Variants in PTPRD observed in about 807,000 individuals in gnomAD.
PTPRD encodes the protein receptor-type tyrosine-protein phosphatase delta.
PTPRD carries 34 observed loss-of-function variants against 214.5 expected under a neutral mutation model. The ratio of observed to expected loss-of-function variants is 0.16; its 90% CI spans 0.12 to 0.21. PTPRD has a LOEUF of 0.21. PTPRD is among the 10% of genes least tolerant of loss of function. The probability of loss-of-function intolerance (pLI) is 1.00; values close to 1 mark genes in which losing one functional copy is unlikely to be tolerated. For missense variants in PTPRD, 2,545 were observed against 2,398.7 expected (o/e 1.06, Z -1.27); for synonymous variants, 1,128 against 845.7 (o/e 1.33, Z -5.79).
chr9:8,573,958 T>A (rs1281086711), intron 14 of PTPRD, among the ~76,000 whole-genome samples: 3 of 152,006 alleles, frequency 2.0e-5, no homozygotes, highest in Non-Finnish European at 4.4e-5. Flanking sequence ...TAGGGCTGAC[T>A]ATGGTAATAC....
chr9:8,365,317 T>C (rs2079549171), intron 39 of PTPRD, among the ~76,000 whole-genome samples: 1 of 152,084 alleles, frequency 6.6e-6, no homozygotes, highest in African/African-American at 2.4e-5. Flanking sequence ...GAAAATATTT[T>C]TGAGTTAGGA....
Position 8,321,528 on chromosome 9 carries a change from A to ATAT in PTPRD, c.5535-1563_5535-1562insATA, listed in dbSNP as rs1563892616. 8.1e-4 allele frequency among the ~76,000 whole-genome samples: 64 copies of ATAT among 79,120 alleles called. 1 individual carries two copies. Among genetic ancestry groups the ATAT allele is most frequent in the African/African-American group, 2.2e-3 (57 of 25,718 alleles). 51.9% of individuals were successfully genotyped at this position (79,120 alleles called of 152,430 possible). A position where few individuals can be genotyped will look rare whatever the true frequency, so the allele number is the denominator to read the frequency against. Reference sequence around the variant, plus strand: ...ATATATATATATATATATATATATAAAAGGTATATGCATCGCAATTCCTTT... The same window carrying ATAT: ...ATATATATATATATATATATATATAATATAAGGTATATGCATCGCAATTCCTTT... On this transcript the variant is annotated intron_variant, in intron 44 of 45. Transcript: ENST00000381196.
chr9:8,561,467 C>A (rs965680254), intron 14 of PTPRD, among the ~76,000 whole-genome samples: 1 of 152,154 alleles, frequency 6.6e-6, no homozygotes, highest in African/African-American at 2.4e-5. Flanking sequence ...AGCTCAGGAA[C>A]CCCCAAATGT....
At chr9:9,632,389 T>C (rs974867851) in intron 7 of PTPRD, among the ~76,000 whole-genome samples, 5 of 152,142 alleles carry the variant, frequency 3.3e-5, no homozygotes, top group Admixed American at 1.3e-4. Context: ...AAGAAGACTA[T>C]TGATAGCCAG....
chr9:8,713,179 C>A, intron 12 of PTPRD: 1 of 563,016 alleles, frequency 1.8e-6, no homozygotes, highest in Non-Finnish European at 3.1e-6. Flanking sequence ...CTGTCAGTGC[C>A]AGAATTTCAG....
At chr9:8,536,715 CA>C (rs747021591) in intron 14 of PTPRD, among the ~76,000 whole-genome samples, 3 of 151,894 alleles carry the variant, frequency 2.0e-5, no homozygotes, top group Non-Finnish European at 4.4e-5. Flanking sequence ...GAGCAGGCAC[CA>C]AAAGTCAGTA....
chr9:8,894,438 C>T (rs2098586541), intron 11 of PTPRD, among the ~76,000 whole-genome samples: 3 of 143,952 alleles, frequency 2.1e-5, no homozygotes, highest in Admixed American at 7.1e-5. Context: ...CAAATGAAAC[C>T]AGACACTGAC....
chr9:10,424,427 C>T (rs184226100), intron 2 of PTPRD, among the ~76,000 whole-genome samples: 3 of 151,772 alleles, frequency 2.0e-5, no homozygotes, highest in African/African-American at 7.2e-5. Context: ...ATAAATGAGT[C>T]TCTGTGGCAA....
At chr9:8,342,306 ATT>A (rs1339027266) in intron 39 of PTPRD, among the ~76,000 whole-genome samples, 2 of 152,080 alleles carry the variant, frequency 1.3e-5, no homozygotes, top group African/African-American at 4.8e-5. Context: ...AAATACAAAC[ATT>A]TAGTCTGTCC....
rs1210034111 is a variant in PTPRD at position 10,142,334 on chromosome 9, G to A, written c.-544-108544C>T. On this transcript the variant is annotated intron_variant, in intron 3 of 45. Transcript: ENST00000381196. ...AAAGAAACTACCATCAGAGTGAACA[G>A]GCAACCCACAAAATGGGAGAAAATT... Among the ~76,000 whole-genome samples, 22 of 151,562 alleles carry A rather than the reference G, an allele frequency of 1.5e-4. No individual in the cohort carries two copies. In the South Asian group the frequency reaches 4.0e-3, roughly 27 times the overall value.
intron 5 of PTPRD, among the ~76,000 whole-genome samples, chr9:9,782,939 T>A (rs2098867725): frequency 6.6e-6 from 1 of 152,300 alleles, no homozygotes; most frequent in Admixed American, 6.5e-5. Flanking sequence ...TTATTTTGTA[T>A]TTTAAGATAT....
chr9:9,360,128 A>T (rs2138963186), intron 9 of PTPRD, among the ~76,000 whole-genome samples: 1 of 151,334 alleles, frequency 6.6e-6, no homozygotes, highest in East Asian at 1.9e-4. Context: ...CAATGTGTTT[A>T]GATTTTAAAT....
chr9:9,760,097 AG>A (rs1486970772), intron 6 of PTPRD, among the ~76,000 whole-genome samples: 2 of 152,142 alleles, frequency 1.3e-5, no homozygotes, highest in African/African-American at 4.8e-5. Context: ...TAGTGTCTTG[AG>A]AAGGATCTCG....
intron 11 of PTPRD, among the ~76,000 whole-genome samples, chr9:8,921,548 C>T (rs982495013): frequency 3.3e-5 from 5 of 151,912 alleles, no homozygotes; most frequent in African/African-American, 1.2e-4. Context: ...GGCTGGAGTG[C>T]TGTGGCACGA....
intron 3 of PTPRD, among the ~76,000 whole-genome samples, chr9:10,104,219 CA>C (rs2098601287): frequency 2.0e-5 from 3 of 151,370 alleles, no homozygotes; most frequent in Admixed American, 1.3e-4. Context: ...TTTTACAAGA[CA>C]AAAAGAGTTC....
chr9:9,347,531 G>A (rs993628909), intron 9 of PTPRD, among the ~76,000 whole-genome samples: 2 of 151,794 alleles, frequency 1.3e-5, no homozygotes, highest in Admixed American at 6.6e-5. Flanking sequence ...ATGCAGAGTG[G>A]GTGTTTCTGT....
chr9:9,569,869 A>G (rs2085810709), intron 8 of PTPRD, among the ~76,000 whole-genome samples: 1 of 151,574 alleles, frequency 6.6e-6, no homozygotes, highest in Non-Finnish European at 1.5e-5. Flanking sequence ...AGATAGGAAT[A>G]ATCTGTCCAA....
intron 11 of PTPRD, among the ~76,000 whole-genome samples, chr9:8,884,185 C>T (rs1345717772): frequency 6.6e-6 from 1 of 152,190 alleles, no homozygotes; most frequent in Non-Finnish European, 1.5e-5. Flanking sequence ...ATTCCTTCAG[C>T]CAGCACTGAG....
At chr9:8,821,100 T>C (rs2097051540) in intron 11 of PTPRD, among the ~76,000 whole-genome samples, 1 of 152,190 alleles carries the variant, frequency 6.6e-6, no homozygotes, top group African/African-American at 2.4e-5. Flanking sequence ...CAGCCCCTTC[T>C]TCTCCTTTTT....
Sources: gnomAD v4.1 joint callset for allele counts (sites outside exome capture counted in the v4.1 genomes callset) on GRCh38, gnomAD v4.1.1 for gene constraint, MANE v1.5 for transcripts, NCBI Gene and HGNC (gene_info 2026-07-23, HGNC 2026-07-21) for gene names.